Variants in DNAJC13 observed in about 807,000 individuals in gnomAD.
DNAJC13 encodes DnaJ heat shock protein family (Hsp40) member C13, also known as dnaJ homolog subfamily C member 13.
Under a neutral mutation model 290.5 loss-of-function variants are expected in DNAJC13, and 75 were observed. The observed-to-expected ratio is 0.26, with a 90% confidence interval of 0.21 to 0.31. DNAJC13 has a LOEUF of 0.31. DNAJC13 is among the 10% of genes least tolerant of loss of function. The probability of loss-of-function intolerance (pLI) is 1.00; values close to 1 mark genes in which losing one functional copy is unlikely to be tolerated. For missense variants in DNAJC13, 2,260 were observed against 2,674.5 expected, an observed-to-expected ratio of 0.85 and a Z score of 3.42; for synonymous variants, 862 against 892.0, an observed-to-expected ratio of 0.97 and a Z score of 0.60.
At position 132,486,069 on chromosome 3, in the gene DNAJC13, G is replaced by A. The variant is rs1018522834; in HGVS notation, c.3267+1397G>A. On this transcript the variant is annotated intron_variant, in intron 29 of 55. Transcript: ENST00000260818. Reference sequence around the variant, plus strand: ...ATGCTGAAAAAGACTTCTAAATACAGTAATGCCCTATCCTTTTTTTTTTTT... The same window carrying A: ...ATGCTGAAAAAGACTTCTAAATACAATAATGCCCTATCCTTTTTTTTTTTT... Among the ~76,000 whole-genome samples, 5 of 119,208 alleles carry A rather than the reference G, an allele frequency of 4.2e-5. No individual in the cohort carries two copies. In the South Asian group the frequency reaches 1.4e-3, roughly 34 times the overall value. 78.2% of individuals were successfully genotyped at this position (119,208 alleles called of 152,430 possible).
intron 48 of DNAJC13, among the ~76,000 whole-genome samples, chr3:132,517,450 A>G (rs1935952211): frequency 6.6e-6 from 1 of 152,182 alleles, no homozygotes; most frequent in Admixed American, 6.5e-5. Flanking sequence ...CACAAGTAGT[A>G]CTCACTGAAG....
rs778776950 is a variant in DNAJC13 at position 132,488,477 on chromosome 3, T to G, written c.3422+25T>G. ...GGTAAGAACTTTAAGGGTAATCTAT[T>G]TAAAAGTATTATTTGAATTTTATAT... On this transcript the variant is annotated intron_variant, in intron 30 of 55. Transcript: ENST00000260818. The G allele has an allele frequency of 3.8e-6, 6 of 1,572,854 alleles. No homozygotes were observed. The Admixed American group carries it at 1.1e-4, about 30-fold the overall frequency.
Position 132,446,471 on chromosome 3 carries a change from G to A in DNAJC13, c.69-4G>A. The A allele has an allele frequency of 6.3e-7, 1 of 1,595,360 alleles. No individual in the cohort carries two copies. Among genetic ancestry groups the A allele is most frequent in the Non-Finnish European group, 8.5e-7 (1 of 1,173,416 alleles). Reference sequence around the variant, plus strand: ...TAAATTTAAGCACTTGTTTTCCTTTGTAGGTATAAGCGTGTCTTTTCAGTT... The same window carrying A: ...TAAATTTAAGCACTTGTTTTCCTTTATAGGTATAAGCGTGTCTTTTCAGTT... On this transcript the variant is annotated splice_region_variant and splice_polypyrimidine_tract_variant and intron_variant, in intron 2 of 55. Transcript: ENST00000260818.
intron 22 of DNAJC13, among the ~76,000 whole-genome samples, chr3:132,477,471 G>A (rs1934511270): frequency 6.6e-6 from 1 of 152,218 alleles, no homozygotes; most frequent in Non-Finnish European, 1.5e-5. Context: ...TATGTGTGTT[G>A]AGCAAATCAT....
rs1165195956 is a variant in DNAJC13 at position 132,446,544 on chromosome 3, A to G, written c.138A>G (p.Thr46=). The G allele has an allele frequency of 1.2e-6, 2 of 1,600,232 alleles. No individual in the cohort carries two copies. The highest frequency in any genetic ancestry group is 1.7e-6 in the Non-Finnish European group (2 of 1,174,922). ...TTYNPNTLEV[T]NQWPYGDICS... is the part of the protein sequence containing the mutation. ...ATAATCCCAATACCTTAGAAGTAAC[A>G]AATCAGGTAATCCTGTTAGAAGCTG... is the stretch of plus-strand genomic sequence containing the variant. The change falls in exon 3 of 56, where the codon ACA becomes ACG. Residue 46 remains threonine (T), a synonymous_variant. Transcript: ENST00000260818.
intron 39 of DNAJC13, among the ~76,000 whole-genome samples, chr3:132,501,963 A>G (rs1483120557): frequency 6.6e-6 from 1 of 152,238 alleles, no homozygotes; most frequent in Admixed American, 6.5e-5. Context: ...ATTTAAGATC[A>G]CTAGCGTGTA....
At chr3:132,481,347 G>T (rs147583047) in intron 26 of DNAJC13, among the ~76,000 whole-genome samples, 8 of 152,138 alleles carry the variant, frequency 5.3e-5, no homozygotes, top group South Asian at 4.1e-4. Context: ...CAGCACTTTG[G>T]GGGGCTGAGG....
At chr3:132,509,521 G>A (rs1935703514) in intron 43 of DNAJC13, among the ~76,000 whole-genome samples, 1 of 152,238 alleles carries the variant, frequency 6.6e-6, no homozygotes, top group Admixed American at 6.5e-5. Context: ...AGTTGATAAA[G>A]CAGCAGCAGG....
At position 132,528,202 on chromosome 3, in the gene DNAJC13, AT is replaced by A; in HGVS notation, c.6398del (p.Leu2133TrpfsTer6). The A allele has an allele frequency of 6.2e-7, 1 of 1,614,062 alleles. No homozygotes were observed. Among genetic ancestry groups the A allele is most frequent in the East Asian group, 2.2e-5 (1 of 44,876 alleles). On this transcript the variant is annotated frameshift_variant, in exon 54 of 56. Transcript: ENST00000260818. LOFTEE classifies it high-confidence loss of function. ...SELVAQALKA[D>X]LVPYLLKLLE... ...TATTTCTTCTAGGCCCTGAAAGCAG[AT>A]TTGGTTCCATACCTCTTAAAATTAC... is the stretch of plus-strand genomic sequence containing the variant.
Position 132,503,327 on chromosome 3 carries a change from T to G in DNAJC13, c.4830T>G (p.Ala1610=), listed in dbSNP as rs1935481174. The G allele has an allele frequency of 1.2e-6, 2 of 1,614,158 alleles. No individual in the cohort carries two copies. The highest frequency in any genetic ancestry group is 1.7e-6 in the Non-Finnish European group (2 of 1,179,986). ...ATCCAACCATAAGGAAAAGCTTAGCTGGCATGCTGACACCCTATGTTGCTA... is the reference window on the plus strand; with the variant it reads ...ATCCAACCATAAGGAAAAGCTTAGCGGGCATGCTGACACCCTATGTTGCTA... ...PENPTIRKSL[A]GMLTPYVARK... Residue 1610 remains alanine (A), a synonymous_variant, in exon 41 of 56, where the codon GCT becomes GCG. Coordinates refer to ENST00000260818, the MANE Select transcript of DNAJC13 (RefSeq NM_015268.4).
At chr3:132,485,307 T>C (rs974573638) in intron 29 of DNAJC13, among the ~76,000 whole-genome samples, 21 of 151,976 alleles carry the variant, frequency 1.4e-4, no homozygotes, top group African/African-American at 4.8e-4. Flanking sequence ...CCAGCTACTT[T>C]GTTTGTATTT....
At chr3:132,489,266 T>C (rs746048946) in intron 31 of DNAJC13, among the ~76,000 whole-genome samples, 1 of 152,192 alleles carries the variant, frequency 6.6e-6, no homozygotes, top group Admixed American at 6.5e-5. Context: ...AACTATAGCC[T>C]GACACCTCCA....
At chr3:132,513,997 T>A (rs1425461524) in intron 45 of DNAJC13, among the ~76,000 whole-genome samples, 1 of 152,226 alleles carries the variant, frequency 6.6e-6, no homozygotes, top group Admixed American at 6.5e-5. Flanking sequence ...TCAAAGAGCT[T>A]AACAAGCAAG....
chr3:132,523,095 TA>T lies in DNAJC13; in HGVS notation c.5844-59del. The T allele has an allele frequency of 2.5e-6, 4 of 1,610,076 alleles. No individual in the cohort carries two copies. In the South Asian group the frequency reaches 4.4e-5, roughly 18 times the overall value. ...TGCCCATCACCTCTAAAACTTATGC[TA>T]AAGGTTAATGAAAATGTATTTGTGA... On this transcript the variant is annotated intron_variant, in intron 49 of 55. Transcript: ENST00000260818.
chr3:132,418,375 T>TA (rs1157091026), intron 1 of DNAJC13, among the ~76,000 whole-genome samples: 3 of 152,208 alleles, frequency 2.0e-5, no homozygotes, highest in African/African-American at 7.2e-5. Context: ...TTGGAGTGGG[T>TA]AAAGTAGGAC....
intron 13 of DNAJC13, 72 bp from the exon 14 acceptor site, chr3:132,460,178 A>AAG (rs2107672790): frequency 1.0e-6 from 1 of 981,370 alleles, no homozygotes; most frequent in East Asian, 2.5e-5. Flanking sequence ...ACTGTTTATA[A>AAG]ATGACTTTTG....
In DNAJC13 at chr3:132,457,376, G is replaced by T; in HGVS notation, c.1449+8G>T. ...CTTTGTGCCCTTATGTGTGTAAGTA[G>T]TAGTTTTCTTAAGGAAACTGGTTTT... On this transcript the variant is annotated splice_region_variant and intron_variant, in intron 13 of 55. Coordinates refer to ENST00000260818, the MANE Select transcript of DNAJC13 (RefSeq NM_015268.4). 1 of 1,606,554 alleles carries T rather than the reference G, an allele frequency of 6.2e-7. No individual in the cohort carries two copies. Among genetic ancestry groups the T allele is most frequent in the Non-Finnish European group, 8.5e-7 (1 of 1,176,672 alleles).
intron 4 of DNAJC13, 128 bp downstream of exon 4, chr3:132,447,598 C>G: frequency 1.0e-6 from 1 of 981,130 alleles, no homozygotes; most frequent in Non-Finnish European, 1.4e-6. Flanking sequence ...TTCTTACTGA[C>G]CTTTAACTTG....
chr3:132,463,268 A>C (rs760878588), intron 16 of DNAJC13, among the ~76,000 whole-genome samples: 2 of 152,236 alleles, frequency 1.3e-5, no homozygotes, highest in Non-Finnish European at 2.9e-5. Flanking sequence ...TGGAACATCA[A>C]AGTTTATTTG....
Sources: allele counts gnomAD v4.1 joint callset (sites outside exome capture counted in the v4.1 genomes callset), GRCh38; gene constraint gnomAD v4.1.1; transcripts MANE v1.5; gene names NCBI Gene and HGNC (gene_info 2026-07-23, HGNC 2026-07-21).